DYNC1LI1: variants seen among roughly 807,000 people sequenced by gnomAD.
DYNC1LI1 encodes dynein cytoplasmic 1 light intermediate chain 1.
DYNC1LI1 carries 19 observed loss-of-function variants against 63.8 expected under a neutral mutation model. The observed-to-expected ratio is 0.30, with a 90% CI of 0.21 to 0.44. DYNC1LI1 has a LOEUF of 0.44. Ranked by LOEUF, DYNC1LI1 falls within the 20% of genes least tolerant of loss-of-function variation. The pLI is 1.00. For synonymous variants in DYNC1LI1, 225 were observed against 232.3 expected (o/e 0.97, Z 0.28); for missense variants, 565 against 630.2 (o/e 0.90, Z 1.11).
At chr3:32,565,130 C>T (rs185203804) in intron 2 of DYNC1LI1, among the ~76,000 whole-genome samples, 3 of 152,246 alleles carry the variant, frequency 2.0e-5, no homozygotes, top group Admixed American at 2.0e-4. Flanking sequence ...TGGCCCACAT[C>T]TATATTAATT....
Position 32,545,644 on chromosome 3 carries a change from G to A in DYNC1LI1, c.337+205C>T, listed in dbSNP as rs1376575720. Reference sequence around the variant, plus strand: ...TAGGAAAGAAGTATCTGCACACCAGGATACCTTAAGATGCTTAAAAGTATC... The same window carrying A: ...TAGGAAAGAAGTATCTGCACACCAGAATACCTTAAGATGCTTAAAAGTATC... On this transcript the variant is annotated intron_variant, in intron 3 of 12. Coordinates refer to ENST00000273130, the MANE Select transcript of DYNC1LI1 (RefSeq NM_016141.4). 2.5e-5 allele frequency: 14 copies of A among 549,948 alleles called. No individual in the cohort carries two copies. The East Asian group carries it at 4.6e-4, about 18-fold the overall frequency. The allele number at this position is 549,948 out of a possible 1,614,324, so 34.1% of individuals were successfully genotyped here. A position where few individuals can be genotyped will look rare whatever the true frequency, so the allele number is the denominator to read the frequency against.
At chr3:32,544,365 C>T (rs1481101492) in intron 4 of DYNC1LI1, among the ~76,000 whole-genome samples, 4 of 152,146 alleles carry the variant, frequency 2.6e-5, no homozygotes, top group African/African-American at 7.2e-5. Flanking sequence ...ACACACACAG[C>T]TTTTTGGCAA....
At chr3:32,565,781 G>C (rs1349144145) in intron 2 of DYNC1LI1, among the ~76,000 whole-genome samples, 1 of 152,042 alleles carries the variant, frequency 6.6e-6, no homozygotes, top group African/African-American at 2.4e-5. Context: ...GCTAATTTTT[G>C]TATTTTTAGT....
Position 32,534,566 on chromosome 3 carries a change from A to C in DYNC1LI1, c.913T>G (p.Tyr305Asp), listed in dbSNP as rs766182253. 1 of 1,597,774 alleles carries C rather than the reference A, an allele frequency of 6.3e-7. No individual in the cohort carries two copies. Residue 305 changes from tyrosine to aspartate, a missense_variant, in exon 7 of 13, where the codon TAT becomes GAT. Transcript: ENST00000273130. Reference protein sequence around the residue: ...LVYKYIVQKLYGFPYKIPAVV... With the variant: ...LVYKYIVQKLDGFPYKIPAVV... ...GCAGGAATCTTATAGGGAAATCCAT[A>C]TAGTTTCTGAACGATGTATTTATAT...
Position 32,528,385 on chromosome 3 carries a change from C to A in DYNC1LI1, c.1462+61G>T, listed in dbSNP as rs1188026717. The A allele has an allele frequency of 4.4e-6, 7 of 1,584,152 alleles. No individual in the cohort carries two copies. In the African/African-American group the frequency reaches 5.4e-5, roughly 12 times the overall value. ...GAATTATACACTTTACATGAGTGAA[C>A]TTCATTATATCTCAAAAAAGCTGTT... On this transcript the variant is annotated intron_variant, in intron 12 of 12. Transcript: ENST00000273130.
chr3:32,536,390 A>T (rs965138403), intron 6 of DYNC1LI1, among the ~76,000 whole-genome samples: 15 of 152,144 alleles, frequency 9.9e-5, no homozygotes, highest in African/African-American at 3.4e-4. Context: ...TAAAGTCTCT[A>T]AAAAGTACTC....
chr3:32,549,978 A>G (rs1273514955), intron 2 of DYNC1LI1, among the ~76,000 whole-genome samples: 1 of 152,242 alleles, frequency 6.6e-6, no homozygotes, highest in Admixed American at 6.5e-5. Context: ...TAGAAATCAT[A>G]TTATCTAGAA....
intron 2 of DYNC1LI1, among the ~76,000 whole-genome samples, chr3:32,568,301 A>C (rs913065690): frequency 2.0e-5 from 3 of 152,220 alleles, no homozygotes; most frequent in Non-Finnish European, 2.9e-5. Flanking sequence ...GAATGCTGCC[A>C]TATGTGACGG....
Position 32,534,531 on chromosome 3 carries a change from C to G in DYNC1LI1, c.948G>C (p.Val316=). 1 of 1,589,884 alleles carries G rather than the reference C, an allele frequency of 6.3e-7. No individual in the cohort carries two copies. The highest frequency in any genetic ancestry group is 8.6e-7 in the Non-Finnish European group (1 of 1,163,452). Residue 316 remains valine, a synonymous_variant, in exon 7 of 13, where the codon GTG becomes GTC. Coordinates refer to ENST00000273130, the MANE Select transcript of DYNC1LI1 (RefSeq NM_016141.4). ...CTTACATAAATACTGCATCCTTTTC[C>G]ACAACAACAGCAGGAATCTTATAGG... is the stretch of plus-strand genomic sequence containing the variant. ...GFPYKIPAVV[V]EKDAVFIPAG...
rs923123572 is a variant in DYNC1LI1 at position 32,559,888 on chromosome 3, C to T, written c.220+10458G>A. Among the ~76,000 whole-genome samples the T allele has an allele frequency of 5.3e-5, 8 of 152,246 alleles. No individual in the cohort carries two copies. In the East Asian group the frequency reaches 7.7e-4, roughly 15 times the overall value. On this transcript the variant is annotated intron_variant, in intron 2 of 12. Coordinates refer to ENST00000273130, the MANE Select transcript of DYNC1LI1 (RefSeq NM_016141.4). ...GGGGTCTTCACTGAACTACCTGTGG[C>T]GTACATCTTCTGCATGGCCTTCCAC...
In DYNC1LI1 at chr3:32,563,202, T is replaced by C. The variant is rs146474278; in HGVS notation, c.220+7144A>G. Among the ~76,000 whole-genome samples the C allele has an allele frequency of 8.8e-3, 1,334 of 152,044 alleles. 30 individuals are homozygous for C. Among genetic ancestry groups the C allele is most frequent in the African/African-American group, 0.03 (1,265 of 41,478 alleles). On this transcript the variant is annotated intron_variant, in intron 2 of 12. Transcript: ENST00000273130. ...TTTGGTGAAAAAAAGAATAAAATGGTAATCTGTGGGGTCTTTCTAATAGCC... is the reference window on the plus strand; with the variant it reads ...TTTGGTGAAAAAAAGAATAAAATGGCAATCTGTGGGGTCTTTCTAATAGCC...
At chr3:32,554,696 T>C (rs1698088737) in intron 2 of DYNC1LI1, among the ~76,000 whole-genome samples, 1 of 152,130 alleles carries the variant, frequency 6.6e-6, no homozygotes, top group South Asian at 2.1e-4. Flanking sequence ...CCAAGAATAT[T>C]CTGACCACCT....
chr3:32,545,287 G>A (rs1297458149), intron 3 of DYNC1LI1, 181 bp from the exon 4 acceptor site: 2 of 600,472 alleles, frequency 3.3e-6, no homozygotes, highest in African/African-American at 3.7e-5. Flanking sequence ...TTAACTGCCA[G>A]TAAAGTTCAA....
At chr3:32,562,181 T>G (rs190114012) in intron 2 of DYNC1LI1, among the ~76,000 whole-genome samples, 266 of 152,238 alleles carry the variant, frequency 1.7e-3, no homozygotes, top group African/African-American at 5.8e-3. Flanking sequence ...GAAAATCACT[T>G]GAGCCCAGGA....
At chr3:32,554,343 A>C (rs1187713442) in intron 2 of DYNC1LI1, among the ~76,000 whole-genome samples, 1 of 152,262 alleles carries the variant, frequency 6.6e-6, no homozygotes, top group Non-Finnish European at 1.5e-5. Context: ...TGAAAAAGGA[A>C]AGAGCATATG....
chr3:32,532,037 T>C (rs1254513922), intron 8 of DYNC1LI1: 2 of 152,220 alleles, frequency 1.3e-5, no homozygotes, highest in Non-Finnish European at 2.9e-5. Context: ...TCAATTTATT[T>C]ATGCAAATAC....
intron 2 of DYNC1LI1, among the ~76,000 whole-genome samples, chr3:32,551,531 C>T: frequency 6.6e-6 from 1 of 152,108 alleles, no homozygotes; most frequent in Non-Finnish European, 1.5e-5. Context: ...AGTTTAGGTA[C>T]TTTAGAAAGA....
At chr3:32,562,090 T>C (rs55734371) in intron 2 of DYNC1LI1, among the ~76,000 whole-genome samples, 6,373 of 152,036 alleles carry the variant, frequency 0.042, 200 homozygotes, top group Middle Eastern at 0.068. Flanking sequence ...CTGGGCAACA[T>C]AGTGAGACTC....
At chr3:32,553,449 C>T (rs1351629093) in intron 2 of DYNC1LI1, among the ~76,000 whole-genome samples, 2 of 152,162 alleles carry the variant, frequency 1.3e-5, no homozygotes, top group African/African-American at 2.4e-5. Context: ...CAAATTTCGT[C>T]CCCTTACCTA....
Sources: gnomAD v4.1 joint callset for allele counts (sites outside exome capture counted in the v4.1 genomes callset) on GRCh38, gnomAD v4.1.1 for gene constraint, MANE v1.5 for transcripts, NCBI Gene and HGNC (gene_info 2026-07-23, HGNC 2026-07-21) for gene names.